FNDC1: variants seen among roughly 807,000 people sequenced by gnomAD.
FNDC1 encodes the protein fibronectin type III domain-containing protein 1.
In FNDC1, 96 loss-of-function variants were observed where a neutral mutation model predicts 168.0. The observed-to-expected ratio is 0.57, with a 90% CI of 0.48 to 0.68. FNDC1 has a LOEUF of 0.68. FNDC1 is among the 30% of genes least tolerant of loss of function. The pLI is 0.00. For synonymous variants in FNDC1, 1,099 were observed against 1,025.9 expected, an observed-to-expected ratio of 1.07 and a Z score of -1.36; for missense variants, 2,587 against 2,482.1, an observed-to-expected ratio of 1.04 and a Z score of -0.90.
chr6:159,199,255 C>G (rs960057156), intron 2 of FNDC1, among the ~76,000 whole-genome samples: 5 of 152,148 alleles, frequency 3.3e-5, no homozygotes, highest in Admixed American at 2.6e-4. Context: ...GGTGCCCTCC[C>G]CTGTAACATG....
chr6:159,261,687 A>G (rs190410546), intron 19 of FNDC1, among the ~76,000 whole-genome samples: 2 of 152,330 alleles, frequency 1.3e-5, no homozygotes, highest in Admixed American at 1.3e-4. Flanking sequence ...TAGAAGGCAG[A>G]TATATCTTTA....
At chr6:159,248,338 G>T (rs1030127325) in intron 15 of FNDC1, among the ~76,000 whole-genome samples, 2 of 151,232 alleles carry the variant, frequency 1.3e-5, no homozygotes, top group Non-Finnish European at 2.9e-5. Context: ...ATGGAGTCTC[G>T]CTCTGTCTCC....
intron 1 of FNDC1, among the ~76,000 whole-genome samples, chr6:159,173,820 A>G (rs1257253125): frequency 3.9e-5 from 6 of 152,136 alleles, no homozygotes; most frequent in African/African-American, 1.4e-4. Context: ...TTTAAGGGAG[A>G]ATCTATTTCC....
intron 17 of FNDC1, among the ~76,000 whole-genome samples, chr6:159,254,947 C>T (rs759429145): frequency 2.6e-5 from 4 of 152,148 alleles, no homozygotes; most frequent in Non-Finnish European, 4.4e-5. Context: ...CTATTTCTCT[C>T]CATTAGATGC....
intron 11 of FNDC1, 31 bp from the exon 12 acceptor site, chr6:159,236,184 C>T (rs1231456815): frequency 2.0e-6 from 3 of 1,517,268 alleles, no homozygotes; most frequent in South Asian, 1.2e-5. Context: ...ATTTACCAGG[C>T]TCTGTTATTT....
intron 4 of FNDC1, among the ~76,000 whole-genome samples, chr6:159,206,473 G>A (rs1022370369): frequency 1.3e-5 from 2 of 152,204 alleles, no homozygotes; most frequent in African/African-American, 2.4e-5. Flanking sequence ...TTGCACAGTG[G>A]GTGCTCAGGA....
At chr6:159,251,251 C>T in intron 16 of FNDC1, 51 bp from the exon 17 acceptor site, 1 of 1,387,670 alleles carries the variant, frequency 7.2e-7, no homozygotes, top group African/African-American at 1.4e-5. Context: ...ATGTTTCTGC[C>T]TCCAGAAAAA....
intron 14 of FNDC1, 69 bp from the exon 15 acceptor site, chr6:159,246,832 G>A (rs1026763966): frequency 5.5e-6 from 6 of 1,082,428 alleles, no homozygotes; most frequent in Admixed American, 1.7e-5. Flanking sequence ...TCACGCTCTG[G>A]GGCCTGCTTC....
chr6:159,232,373 G>A lies in FNDC1; in HGVS notation c.1861G>A (p.Ala621Thr), dbSNP rs1427109525. ...GCCCCCCTCGGCTTCGGCCTCTCCT[G>A]CCCACCACGCGTCCACCCAGGGCAC... ...GAPPSASASP[A>T]HHASTQGTSH... Residue 621 changes from alanine (A) to threonine (T), a missense_variant, in exon 11 of 23, where the codon GCC becomes ACC. Transcript: ENST00000297267. This position sits in a 1 kb window ranked among gnomAD's most constrained non-coding sequence, Gnocchi z 4.9. 1 of 1,613,518 alleles carries A rather than the reference G, an allele frequency of 6.2e-7. No individual in the cohort carries two copies. Among genetic ancestry groups the A allele is most frequent in the Non-Finnish European group, 8.5e-7 (1 of 1,179,694 alleles).
chr6:159,209,043 C>T (rs1000179960), intron 4 of FNDC1, among the ~76,000 whole-genome samples: 3 of 152,006 alleles, frequency 2.0e-5, no homozygotes, highest in African/African-American at 4.8e-5. Context: ...GACAGGGTTT[C>T]TCCATGTTGG....
chr6:159,194,242 A>C (rs1435851064), intron 1 of FNDC1, among the ~76,000 whole-genome samples: 1 of 152,200 alleles, frequency 6.6e-6, no homozygotes, highest in East Asian at 1.9e-4. Flanking sequence ...GCGTCTTGTC[A>C]TGGCCCTACC....
At chr6:159,180,952 G>A (rs962496595) in intron 1 of FNDC1, among the ~76,000 whole-genome samples, 1 of 152,118 alleles carries the variant, frequency 6.6e-6, no homozygotes, top group Non-Finnish European at 1.5e-5. Flanking sequence ...ACGTGTGCAT[G>A]TATCTTTATA....
chr6:159,244,304 G>A (rs772606359), intron 14 of FNDC1, among the ~76,000 whole-genome samples: 2 of 152,202 alleles, frequency 1.3e-5, no homozygotes, highest in Non-Finnish European at 2.9e-5. Context: ...ACATTGGAAT[G>A]ACCAAAGGAA....
intron 1 of FNDC1, among the ~76,000 whole-genome samples, chr6:159,173,194 T>C (rs1290322939): frequency 6.6e-6 from 1 of 152,224 alleles, no homozygotes; most frequent in Non-Finnish European, 1.5e-5. Context: ...CACTGGTATA[T>C]ACGGAGGGAA....
chr6:159,256,046 A>G lies in FNDC1; in HGVS notation c.5066-477A>G, dbSNP rs116004694. On this transcript the variant is annotated intron_variant, in intron 17 of 22. Transcript: ENST00000297267. The stretch of plus-strand genomic sequence containing the variant: ...GAGAAATCGCAGGACAGCCTTCACC[A>G]AGTGGGCATGGGACCCCTGGGCGTG... 2.1e-3 allele frequency among the ~76,000 whole-genome samples: 326 copies of G among 152,330 alleles called. 2 individuals carry two copies. The highest frequency in any genetic ancestry group is 7.6e-3 in the African/African-American group (315 of 41,582).
At chr6:159,255,272 C>T (rs1432323195) in intron 17 of FNDC1, among the ~76,000 whole-genome samples, 5 of 152,172 alleles carry the variant, frequency 3.3e-5, no homozygotes, top group African/African-American at 1.2e-4. Context: ...TCTCCCGGGT[C>T]CTCCCTCTTC....
At chr6:159,236,442 T>A in intron 12 of FNDC1, 127 bp downstream of exon 12, 1 of 653,296 alleles carries the variant, frequency 1.5e-6, no homozygotes. Context: ...TAACTACTTA[T>A]ATGTACTTGT....
At position 159,169,621 on chromosome 6, in the gene FNDC1, C is replaced by A. The variant is rs1411323363; in HGVS notation, c.25C>A (p.Leu9Met). MAPEAGAT[L>M]RAPRRLSWAA... ...GATGGCCCCCGAGGCCGGGGCGACCCTGCGCGCGCCGCGCCGGCTGTCCTG... is the reference window on the plus strand; with the variant it reads ...GATGGCCCCCGAGGCCGGGGCGACCATGCGCGCGCCGCGCCGGCTGTCCTG... Residue 9 changes from leucine to methionine, a missense_variant, in exon 1 of 23, where the codon CTG (leucine) becomes ATG (methionine). Leu to Met is a conservative substitution (Grantham distance 15, BLOSUM62 2). Coordinates refer to ENST00000297267, the MANE Select transcript of FNDC1 (RefSeq NM_032532.3). This position sits in a 1 kb window ranked among gnomAD's most constrained non-coding sequence, Gnocchi z 6.8. The A allele has an allele frequency of 8.8e-7, 1 of 1,136,788 alleles. No homozygotes were observed. 70.4% of individuals were successfully genotyped at this position (1,136,788 alleles called of 1,614,324 possible). A position where few individuals can be genotyped will look rare whatever the true frequency, so the allele number is the denominator to read the frequency against.
chr6:159,264,477 T>TAGTC (rs1443727433), intron 19 of FNDC1, among the ~76,000 whole-genome samples: 1 of 152,254 alleles, frequency 6.6e-6, no homozygotes, highest in Non-Finnish European at 1.5e-5. Flanking sequence ...TTTGTTTACC[T>TAGTC]AGTCAGATCA....
Sources: allele counts gnomAD v4.1 joint callset (sites outside exome capture counted in the v4.1 genomes callset), GRCh38; gene constraint gnomAD v4.1.1; non-coding constraint Gnocchi (gnomAD v3.1); transcripts MANE v1.5; gene names NCBI Gene and HGNC (gene_info 2026-07-23, HGNC 2026-07-21).